THRB: variants seen among roughly 807,000 people sequenced by gnomAD.
THRB encodes the protein nuclear receptor subfamily 1 group A member 2.
In THRB, 12 loss-of-function variants were observed where a neutral mutation model predicts 47.8. The ratio of observed to expected loss-of-function variants is 0.25; its 90% CI spans 0.16 to 0.41. THRB has a LOEUF of 0.41. Among genes scored for constraint, THRB ranks in the 10% least tolerant of loss-of-function variants. The probability of loss-of-function intolerance (pLI) is 1.00; values close to 1 mark genes in which losing one functional copy is unlikely to be tolerated. For missense variants in THRB, 348 were observed against 589.2 expected (o/e 0.59, Z 4.24); for synonymous variants, 218 against 212.2 (o/e 1.03, Z -0.24).
intron 1 of THRB, among the ~76,000 whole-genome samples, chr3:24,444,785 A>G (rs2071901944): frequency 6.6e-6 from 1 of 152,032 alleles, no homozygotes; most frequent in Non-Finnish European, 1.5e-5. Context: ...GGGTTTCACC[A>G]TGTTGGTCAG....
chr3:24,389,980 C>T (rs574793226), intron 1 of THRB, among the ~76,000 whole-genome samples: 59 of 152,202 alleles, frequency 3.9e-4, no homozygotes, highest in African/African-American at 1.3e-3. Flanking sequence ...AAAATGTCTT[C>T]GTAGGTGTGA....
At position 24,158,693 on chromosome 3, in the gene THRB, G is replaced by A. The variant is rs761151945; in HGVS notation, c.284-6203C>T. Among the ~76,000 whole-genome samples the A allele has an allele frequency of 3.3e-4, 50 of 152,226 alleles. 1 individual carries two copies. The highest frequency in any genetic ancestry group is 6.0e-4 in the Non-Finnish European group (41 of 68,032). On this transcript the variant is annotated intron_variant, in intron 5 of 10. Coordinates refer to ENST00000646209, the MANE Select transcript of THRB (RefSeq NM_001354712.2). ...AGTCTACCTGCCTCGGCCTCCCAAG[G>A]TGCTGGGATTATAGGCGTGAGCCAC...
rs2031903241 is a variant in THRB, at chr3:24,122,653, A to G, written c.*231T>C. ...GATTGTCCCCCACCCCACCTCCACA[A>G]CCATAAAACCTTCAGAGCATTCACA... On this transcript the variant is annotated 3_prime_UTR_variant, in exon 11 of 11. Transcript: ENST00000646209. The G allele has an allele frequency of 1.7e-6, 1 of 580,274 alleles. No individual in the cohort carries two copies. The allele number at this position is 580,274 out of a possible 1,614,324, so 35.9% of individuals were successfully genotyped here. A position where few individuals can be genotyped will look rare whatever the true frequency, so the allele number is the denominator to read the frequency against.
At chr3:24,307,726 T>A (rs1559888242) in intron 2 of THRB, among the ~76,000 whole-genome samples, 1 of 152,192 alleles carries the variant, frequency 6.6e-6, no homozygotes, top group East Asian at 1.9e-4. Context: ...AGTATACTAT[T>A]GATATGACTG....
chr3:24,286,527 G>A (rs2055319912), intron 3 of THRB, among the ~76,000 whole-genome samples: 1 of 152,108 alleles, frequency 6.6e-6, no homozygotes, highest in Admixed American at 6.6e-5. Flanking sequence ...TCAACTGTTA[G>A]GTTCTTCTCC....
chr3:24,275,227 T>C (rs1227171293), intron 3 of THRB, among the ~76,000 whole-genome samples: 1 of 152,196 alleles, frequency 6.6e-6, no homozygotes. Flanking sequence ...AAAAGATTTA[T>C]AGTCTTGAAA....
At chr3:24,236,863 G>A (rs1193370302) in intron 3 of THRB, among the ~76,000 whole-genome samples, 1 of 152,018 alleles carries the variant, frequency 6.6e-6, no homozygotes, top group East Asian at 1.9e-4. Context: ...ATTAAATCTA[G>A]GACCCAATGA....
At chr3:24,193,069 G>A (rs2043541345) in intron 4 of THRB, among the ~76,000 whole-genome samples, 1 of 152,124 alleles carries the variant, frequency 6.6e-6, no homozygotes, top group Non-Finnish European at 1.5e-5. Context: ...CCATGACACT[G>A]GGGTCCTTGA....
intron 1 of THRB, among the ~76,000 whole-genome samples, chr3:24,369,976 T>C (rs2064780941): frequency 6.6e-6 from 1 of 152,148 alleles, no homozygotes; most frequent in South Asian, 2.1e-4. Context: ...CTAGGAGTCC[T>C]CCAAATTGAC....
At chr3:24,314,265 A>G (rs1426300030) in intron 2 of THRB, among the ~76,000 whole-genome samples, 1 of 152,194 alleles carries the variant, frequency 6.6e-6, no homozygotes. Flanking sequence ...TTTTTTCTAC[A>G]CAATTATTCA....
rs559523666 is a variant in THRB at position 24,410,117 on chromosome 3, T to C, written c.-260-72746A>G. ...ACCAACACTGCTGGTAAAATTCCTA[T>C]GCCTTTCTTGATAAGCCAGAAGAAA... On this transcript the variant is annotated intron_variant, in intron 1 of 10. Coordinates refer to ENST00000646209, the MANE Select transcript of THRB (RefSeq NM_001354712.2). 8.6e-5 allele frequency among the ~76,000 whole-genome samples: 13 copies of C among 151,980 alleles called. No homozygotes were observed. The South Asian group carries it at 2.7e-3, about 32-fold the overall frequency.
At chr3:24,208,277 G>C (rs892644638) in intron 4 of THRB, among the ~76,000 whole-genome samples, 28 of 151,976 alleles carry the variant, frequency 1.8e-4, no homozygotes, top group Non-Finnish European at 8.8e-5. Context: ...TACTGCCCAA[G>C]GTAATTTATA....
rs2031344340 is a variant in THRB at position 24,119,849 on chromosome 3, C to T, written c.*3035G>A. The stretch of plus-strand genomic sequence containing the variant: ...CTGCACGTCTAAATTGAGCAAAGTA[C>T]ACTTGAGGGTCACACACGCACGCGC... On this transcript the variant is annotated 3_prime_UTR_variant, in exon 11 of 11. Transcript: ENST00000646209. 1 of 152,292 alleles carries T rather than the reference C, an allele frequency of 6.6e-6. No homozygotes were observed. The highest frequency in any genetic ancestry group is 1.5e-5 in the Non-Finnish European group (1 of 68,056). The allele number at this position is 152,292 out of a possible 1,614,324, so 9.4% of individuals were successfully genotyped here. A position where few individuals can be genotyped will look rare whatever the true frequency, so the allele number is the denominator to read the frequency against.
At chr3:24,183,102 T>A (rs768408408) in intron 5 of THRB, among the ~76,000 whole-genome samples, 9 of 152,206 alleles carry the variant, frequency 5.9e-5, no homozygotes, top group African/African-American at 2.2e-4. Context: ...TATGGACTTT[T>A]TTTTCAACTG....
chr3:24,232,969 AG>A (rs1307272927), intron 3 of THRB, among the ~76,000 whole-genome samples: 1 of 152,204 alleles, frequency 6.6e-6, no homozygotes, highest in African/African-American at 2.4e-5. Context: ...TAAAAATAAA[AG>A]TCACAGATGC....
chr3:24,387,648 A>C (rs2066231987), intron 1 of THRB, among the ~76,000 whole-genome samples: 2 of 152,180 alleles, frequency 1.3e-5, no homozygotes, highest in African/African-American at 2.4e-5. Flanking sequence ...GCTATCAAAA[A>C]GCACATGTTG....
intron 1 of THRB, among the ~76,000 whole-genome samples, chr3:24,487,648 T>A (rs770521139): frequency 1.3e-5 from 2 of 152,174 alleles, no homozygotes; most frequent in African/African-American, 4.8e-5. Context: ...AGGGTGACTG[T>A]AGCATTTCTC....
intron 5 of THRB, among the ~76,000 whole-genome samples, chr3:24,180,259 C>G (rs1337659641): frequency 6.6e-6 from 1 of 152,166 alleles, no homozygotes; most frequent in African/African-American, 2.4e-5. Context: ...GCCTTTATAG[C>G]TGTACTAGAT....
chr3:24,408,791 T>C (rs1174240569), intron 1 of THRB, among the ~76,000 whole-genome samples: 1 of 151,814 alleles, frequency 6.6e-6, no homozygotes, highest in Non-Finnish European at 1.5e-5. Flanking sequence ...TCATTTACTT[T>C]ATAACACAGT....
Sources: gnomAD v4.1 joint callset for allele counts (sites outside exome capture counted in the v4.1 genomes callset) on GRCh38, gnomAD v4.1.1 for gene constraint, MANE v1.5 for transcripts, NCBI Gene and HGNC (gene_info 2026-07-23, HGNC 2026-07-21) for gene names.